TEX36: variants seen among roughly 807,000 people sequenced by gnomAD.
TEX36 encodes the protein testis expressed 36, also known as testis-expressed protein 36.
In TEX36, 12 loss-of-function variants were observed where a neutral mutation model predicts 13.6. That is an observed-to-expected ratio of 0.88 (90% CI 0.56 to 1.43). TEX36 has a LOEUF of 1.43. Ranked by LOEUF, TEX36 falls within the 40% of genes most tolerant of loss-of-function variation. TEX36 has a pLI of 0.00. For missense variants in TEX36, 224 were observed against 228.3 expected, an observed-to-expected ratio of 0.98 and a Z score of 0.12; for synonymous variants, 93 against 83.0, an observed-to-expected ratio of 1.12 and a Z score of -0.65.
chr10:125,581,457 C>G (rs1256409314), intron 3 of TEX36, among the ~76,000 whole-genome samples: 1 of 152,212 alleles, frequency 6.6e-6, no homozygotes, highest in Non-Finnish European at 1.5e-5. Flanking sequence ...TAACTCCCCA[C>G]TCGGGCATAT....
At chr10:125,682,872 A>G in intron 1 of TEX36, 67 bp downstream of exon 1, 1 of 1,513,362 alleles carries the variant, frequency 6.6e-7, no homozygotes, top group South Asian at 1.2e-5. Flanking sequence ...CAGGATTGGA[A>G]CTCCTCAGAC....
At chr10:125,625,866 A>G (rs1846482222) in intron 3 of TEX36, among the ~76,000 whole-genome samples, 1 of 152,210 alleles carries the variant, frequency 6.6e-6, no homozygotes, top group Admixed American at 6.5e-5. Context: ...CTACAGGTGA[A>G]GGATTTCCTC....
rs182247719 is a variant in TEX36, at chr10:125,682,580, T to C, written c.51+359A>G. 9.9e-5 allele frequency among the ~76,000 whole-genome samples: 15 copies of C among 152,190 alleles called. No homozygotes were observed. In the East Asian group the frequency reaches 2.7e-3, roughly 27 times the overall value. On this transcript the variant is annotated intron_variant, in intron 1 of 3. Coordinates refer to ENST00000368821, the MANE Select transcript of TEX36 (RefSeq NM_001128202.3). Reference sequence around the variant, plus strand: ...GAATAAAATAGACAAAAATCCCAGCTCCATGGAGCTTATATTCTAGCAAGG... The same window carrying C: ...GAATAAAATAGACAAAAATCCCAGCCCCATGGAGCTTATATTCTAGCAAGG...
intron 3 of TEX36, among the ~76,000 whole-genome samples, chr10:125,632,413 C>T (rs528686185): frequency 2.0e-5 from 3 of 152,224 alleles, no homozygotes; most frequent in East Asian, 3.9e-4. Flanking sequence ...TTCTTTGTCC[C>T]GCATCTCCTG....
chr10:125,644,851 A>G (rs1483891157), intron 3 of TEX36, among the ~76,000 whole-genome samples: 3 of 152,222 alleles, frequency 2.0e-5, no homozygotes, highest in Admixed American at 1.3e-4. Context: ...CCCCTTAAAA[A>G]GGGCACCGAA....
At chr10:125,676,355 T>C (rs1024785856) in intron 1 of TEX36, among the ~76,000 whole-genome samples, 1 of 152,256 alleles carries the variant, frequency 6.6e-6, no homozygotes, top group Non-Finnish European at 1.5e-5. Flanking sequence ...CCATTTATCA[T>C]TATATAATGA....
At chr10:125,651,179 G>T (rs559577766), downstream of TEX36, among the ~76,000 whole-genome samples, 2 of 152,154 alleles carry the variant, frequency 1.3e-5, no homozygotes, top group East Asian at 3.9e-4. Flanking sequence ...CCAAAGCCAG[G>T]CAGAGACACA....
chr10:125,589,933 T>C (rs1358004164), intron 3 of TEX36, among the ~76,000 whole-genome samples: 1 of 152,214 alleles, frequency 6.6e-6, no homozygotes, highest in Non-Finnish European at 1.5e-5. Context: ...AGATTGTTCT[T>C]GGGCAATCTT....
chr10:125,661,094 A>G lies in TEX36; in HGVS notation c.191T>C (p.Val64Ala), dbSNP rs1847029701. 1 of 1,551,832 alleles carries G rather than the reference A, an allele frequency of 6.4e-7. No individual in the cohort carries two copies. The highest frequency in any genetic ancestry group is 8.7e-7 in the Non-Finnish European group (1 of 1,146,980). Residue 64 changes from valine to alanine, a missense_variant, in exon 3 of 4, where the codon GTG (valine) becomes GCG (alanine). Physicochemically the swap from Val to Ala is moderately conservative, Grantham distance 64. Coordinates refer to ENST00000368821, the MANE Select transcript of TEX36 (RefSeq NM_001128202.3). ...PIYKVREKQA[V>A]NNQFPFSVHD... ...CACGGAGAAGGGGAACTGGTTATTC[A>G]CTGCTTGCTGGAAAAGTGGGATGGA...
chr10:125,619,351 C>T (rs147886119), downstream of TEX36, among the ~76,000 whole-genome samples: 48 of 152,024 alleles, frequency 3.2e-4, 1 homozygote, highest in Admixed American at 5.9e-4. Flanking sequence ...GGTGCAAATC[C>T]TTCAAAGCCG....
rs1430230236 is a variant in TEX36, at chr10:125,601,792, T to C, written c.265-24918A>G. Among the ~76,000 whole-genome samples, 7 of 152,304 alleles carry C rather than the reference T, an allele frequency of 4.6e-5. 1 individual carries two copies. The South Asian group carries it at 1.0e-3, about 23-fold the overall frequency. ...GGGGATGTTGATGTATCACAGCCCA[T>C]GAACTCTTCAGACATCCTCTGGGAA... On this transcript the variant is annotated intron_variant, in intron 3 of 3. Coordinates refer to the TEX36 transcript ENST00000532135.
intron 3 of TEX36, among the ~76,000 whole-genome samples, chr10:125,626,160 G>C (rs553477573): frequency 7.2e-5 from 11 of 152,126 alleles, no homozygotes; most frequent in African/African-American, 2.7e-4. Flanking sequence ...CTTTTCTGCC[G>C]CTGCCCAGTC....
At position 125,621,744 on chromosome 10, in the gene TEX36, A is replaced by T. The variant is rs1174040475; in HGVS notation, c.265-99T>A. 1.4e-4 allele frequency: 63 copies of T among 441,566 alleles called. No individual in the cohort carries two copies. The Admixed American group carries it at 1.6e-3, about 11-fold the overall frequency. 27.4% of individuals were successfully genotyped at this position (441,566 alleles called of 1,614,324 possible). On this transcript the variant is annotated intron_variant, in intron 3 of 3. Coordinates refer to the TEX36 transcript ENST00000526819. ...GCCTTCCATCTGTGGCCAAAGGCCC[A>T]AGAGCCCCCCAGAAGCCACTGGTTC...
chr10:125,661,954 T>G lies in TEX36; in HGVS notation c.75A>C (p.Gln25His). 1 of 1,552,362 alleles carries G rather than the reference T, an allele frequency of 6.4e-7. No homozygotes were observed. The change falls in exon 2 of 4, where the codon CAA becomes CAC. Residue 25 changes from glutamine (Q) to histidine (H), a missense_variant. Physicochemically the swap from Gln to His is conservative, Grantham distance 24. Coordinates refer to ENST00000368821, the MANE Select transcript of TEX36 (RefSeq NM_001128202.3). ...GRWFPHIGLT[Q>H]KTPESITSAT... ...CACTGGTGATGGATTCTGGTGTCTT[T>G]TGCGTTAGCCCGATGTGAGGGAACT... is the stretch of plus-strand genomic sequence containing the variant.
intron 3 of TEX36, among the ~76,000 whole-genome samples, chr10:125,623,661 T>C (rs1001283807): frequency 1.3e-5 from 2 of 151,744 alleles, no homozygotes; most frequent in Non-Finnish European, 2.9e-5. Flanking sequence ...TGCGAGGCCC[T>C]GTACGGGACT....
downstream of TEX36, among the ~76,000 whole-genome samples, chr10:125,619,398 C>A (rs1846400148): frequency 6.6e-6 from 1 of 151,976 alleles, no homozygotes; most frequent in Non-Finnish European, 1.5e-5. Flanking sequence ...ATCCCTGGTC[C>A]CTGCCCCAAC....
At chr10:125,585,684 C>T (rs535903460) in intron 3 of TEX36, among the ~76,000 whole-genome samples, 2 of 152,260 alleles carry the variant, frequency 1.3e-5, no homozygotes, top group Admixed American at 6.5e-5. Context: ...TTCTGGGTTC[C>T]CCCACAAAAC....
intron 1 of TEX36, among the ~76,000 whole-genome samples, chr10:125,671,789 A>C (rs1430624060): frequency 6.6e-6 from 1 of 152,136 alleles, no homozygotes; most frequent in Non-Finnish European, 1.5e-5. Context: ...TAGGCTATTA[A>C]TTACTGCCTC....
intron 3 of TEX36, among the ~76,000 whole-genome samples, chr10:125,637,968 T>C (rs1245585435): frequency 6.6e-6 from 1 of 151,790 alleles, no homozygotes; most frequent in East Asian, 1.9e-4. Context: ...CCCTTGGTGA[T>C]GGCGTTCCCT....
Sources: gnomAD v4.1 joint callset for allele counts (sites outside exome capture counted in the v4.1 genomes callset) on GRCh38, gnomAD v4.1.1 for gene constraint, MANE v1.5 for transcripts, NCBI Gene and HGNC (gene_info 2026-07-23, HGNC 2026-07-21) for gene names.